The following CCAR2 variants were observed in gnomAD, a reference collection of about 807,000 sequenced individuals.
The protein encoded by CCAR2 is cell cycle and apoptosis regulator 2.
In CCAR2, 21 loss-of-function variants were observed where a neutral mutation model predicts 108.1. The ratio of observed to expected loss-of-function variants is 0.19; its 90% CI spans 0.14 to 0.28. The LOEUF is 0.28. CCAR2 is among the 10% of genes least tolerant of loss of function. The pLI is 1.00. For synonymous variants in CCAR2, 577 were observed against 472.8 expected (o/e 1.22, Z -2.86); for missense variants, 1,126 against 1,177.0 (o/e 0.96, Z 0.63).
At chr8:22,607,149 T>C (rs1801108236) in intron 5 of CCAR2, 47 bp from the exon 6 acceptor site, 1 of 1,611,238 alleles carries the variant, frequency 6.2e-7, no homozygotes, top group Non-Finnish European at 8.5e-7. Context: ...AGGTAGTGAG[T>C]GCCTCAACCA....
Position 22,619,250 on chromosome 8 carries a change from C to T in CCAR2, c.2622C>T (p.Thr874=), listed in dbSNP as rs200138246. 6.0e-5 allele frequency: 94 copies of T among 1,567,240 alleles called. No homozygotes were observed. In the South Asian group the frequency reaches 6.4e-4, roughly 11 times the overall value. ...TCCGGCTGGCGGAGGCCGAGGAGAC[C>T]GCCCGGACGGCGGAGCGACAGAAGA... The part of the protein sequence containing the change: ...LRVRLAEAEE[T]ARTAERQKSQ... Residue 874 remains threonine (T), a synonymous_variant, in exon 20 of 21, where the codon ACC becomes ACT. Transcript: ENST00000308511.
intron 7 of CCAR2, among the ~76,000 whole-genome samples, chr8:22,609,056 T>C (rs1041086774): frequency 1.3e-5 from 2 of 150,536 alleles, no homozygotes; most frequent in East Asian, 1.9e-4. Context: ...TTTTTTCTTT[T>C]TTTTTTTTTT....
Position 22,614,446 on chromosome 8 carries a change from T to C in CCAR2, c.984T>C (p.Phe328=). The stretch of plus-strand genomic sequence containing the variant: ...AATTGTATCGTTGTTGCATGCTCTT[T>C]GTGGATGACATGGCTGAGCCAAGGG... ...LEELYRCCML[F]VDDMAEPRET... is the part of the protein sequence containing the mutation. The change falls in exon 10 of 21, where the codon TTT becomes TTC. Residue 328 remains phenylalanine, a synonymous_variant. Transcript: ENST00000308511. The C allele has an allele frequency of 6.2e-7, 1 of 1,614,192 alleles. No individual in the cohort carries two copies. The highest frequency in any genetic ancestry group is 8.5e-7 in the Non-Finnish European group (1 of 1,180,024).
intron 7 of CCAR2, among the ~76,000 whole-genome samples, chr8:22,611,758 C>A (rs964355845): frequency 6.6e-6 from 1 of 152,082 alleles, no homozygotes; most frequent in Non-Finnish European, 1.5e-5. Flanking sequence ...TTGGGTATTG[C>A]TGAGTATGTA....
rs1159594523 is a variant in CCAR2 at position 22,615,106 on chromosome 8, C to CTAG, written c.1205+105_1205+106insTAG. On this transcript the variant is annotated intron_variant, in intron 11 of 20. Transcript: ENST00000308511. ...CTTTCTGCTGGTTAGCTCTCTGCCC[C>CTAG]CTAGTCCCGTTCCTTCCCCCTCTGG... 1.5e-5 allele frequency: 21 copies of CTAG among 1,375,966 alleles called. No individual in the cohort carries two copies. In the East Asian group the frequency reaches 4.8e-4, roughly 31 times the overall value. The allele number at this position is 1,375,966 out of a possible 1,614,324, so 85.2% of individuals were successfully genotyped here.
At position 22,606,623 on chromosome 8, in the gene CCAR2, G is replaced by A. The variant is rs766102406; in HGVS notation, c.167G>A (p.Arg56Gln). ...CTCTTACAGGGTGGGGAGAAACAGCGGGTCTTCACTGGTATTGTTACCAGC... is the reference window on the plus strand; with the variant it reads ...CTCTTACAGGGTGGGGAGAAACAGCAGGTCTTCACTGGTATTGTTACCAGC... ...ARHLQGGEKQ[R>Q]VFTGIVTSLH... Residue 56 changes from arginine (R) to glutamine (Q), a missense_variant, in exon 4 of 21, where the codon CGG becomes CAG. By Grantham distance (43) the Arg-to-Gln change is conservative. Around this residue, in one of 4 missense-constraint regions of CCAR2, gnomAD observed 17 missense variants for 56.1 expected, o/e 0.30. Coordinates refer to ENST00000308511, the MANE Select transcript of CCAR2 (RefSeq NM_001393997.1). 1.2e-6 allele frequency: 2 copies of A among 1,614,014 alleles called. No individual in the cohort carries two copies. Among genetic ancestry groups the A allele is most frequent in the Non-Finnish European group, 1.7e-6 (2 of 1,179,916 alleles).
intron 7 of CCAR2, among the ~76,000 whole-genome samples, chr8:22,611,945 C>CTT (rs569460220): frequency 2.3e-5 from 2 of 88,290 alleles, no homozygotes; most frequent in East Asian, 3.0e-4. Context: ...AACTGTCTCT[C>CTT]TTTTTTTTTT....
chr8:22,606,725 GA>G, intron 4 of CCAR2, 27 bp downstream of exon 4: 1 of 1,582,006 alleles, frequency 6.3e-7, no homozygotes, highest in African/African-American at 1.3e-5. Context: ...TCCCCTAACG[GA>G]AATGCTTATT....
intron 3 of CCAR2, among the ~76,000 whole-genome samples, chr8:22,606,391 G>A (rs1487490608): frequency 6.6e-6 from 1 of 152,154 alleles, no homozygotes; most frequent in African/African-American, 2.4e-5. Context: ...TTAATGAACT[G>A]GAAATCCCAG....
chr8:22,605,941 C>A, intron 2 of CCAR2, 110 bp downstream of exon 2: 1 of 1,304,510 alleles, frequency 7.7e-7, no homozygotes, highest in Non-Finnish European at 1.1e-6. Flanking sequence ...CTCTGGAAAG[C>A]AGGAGATGCC....
intron 11 of CCAR2, 186 bp from the exon 12 acceptor site, chr8:22,615,239 C>T (rs755970820): frequency 8.2e-6 from 7 of 857,276 alleles, no homozygotes; most frequent in East Asian, 5.2e-5. Flanking sequence ...TGTGTGGTTG[C>T]GGCCTCCCCA....
intron 16 of CCAR2, 49 bp from the exon 17 acceptor site, chr8:22,618,300 C>T (rs201953784): frequency 7.4e-6 from 12 of 1,612,434 alleles, no homozygotes; most frequent in Non-Finnish European, 9.3e-6. Context: ...GCGATAGAGC[C>T]ACTGAGGGAA....
chr8:22,607,925 C>A lies in CCAR2; in HGVS notation c.488-44C>A, dbSNP rs557026808. ...ACAGGTGTGAGCTATTGCACCCGGC[C>A]GGTTTTTAGGGTTTTTGAGTCACCA... On this transcript the variant is annotated intron_variant, in intron 6 of 20. Coordinates refer to ENST00000308511, the MANE Select transcript of CCAR2 (RefSeq NM_001393997.1). 2.6e-6 allele frequency: 4 copies of A among 1,559,556 alleles called. No individual in the cohort carries two copies. The Admixed American group carries it at 5.0e-5, about 20-fold the overall frequency.
intron 7 of CCAR2, among the ~76,000 whole-genome samples, chr8:22,610,656 C>G (rs1029445022): frequency 2.6e-5 from 4 of 152,226 alleles, no homozygotes; most frequent in African/African-American, 9.6e-5. Flanking sequence ...GATGGAGATG[C>G]TCATGCACAT....
At chr8:22,612,502 G>A (rs930299224) in intron 7 of CCAR2, among the ~76,000 whole-genome samples, 2 of 151,700 alleles carry the variant, frequency 1.3e-5, no homozygotes, top group Non-Finnish European at 2.9e-5. Flanking sequence ...TCTTGACCTC[G>A]TGATCTGCCC....
rs1295568035 is a variant in CCAR2 at position 22,615,691 on chromosome 8, C to T, written c.1387C>T (p.Pro463Ser). 5 of 1,613,682 alleles carry T rather than the reference C, an allele frequency of 3.1e-6. No individual in the cohort carries two copies. The highest frequency in any genetic ancestry group is 2.2e-5 in the East Asian group (1 of 44,874). Residue 463 changes from proline (P) to serine (S), a missense_variant, in exon 13 of 21, where the codon CCT becomes TCT. This residue lies in a region of CCAR2 where 1,013 missense variants were observed against 993.9 expected (regional missense o/e 1.02). Transcript: ENST00000308511. ...TCAGCTGTTGTCACAGGAAACGGAG[C>T]CTACTGAACAGGCACCTGATGCCTT... ...PTQEAQGETEPTEQAPDALEQ... is the reference protein window; with the variant it reads ...PTQEAQGETESTEQAPDALEQ...
At chr8:22,606,836 C>T in intron 4 of CCAR2, 74 bp from the exon 5 acceptor site, 1 of 1,520,266 alleles carries the variant, frequency 6.6e-7, no homozygotes, top group South Asian at 1.1e-5. Flanking sequence ...ATGGGAAAGG[C>T]CTCATAGGGG....
At chr8:22,617,317 C>A in intron 14 of CCAR2, 103 bp from the exon 15 acceptor site, 1 of 1,351,270 alleles carries the variant, frequency 7.4e-7, no homozygotes, top group Non-Finnish European at 1.0e-6. Context: ...GCCCTCCATA[C>A]AGTGCCTGGG....
intron 7 of CCAR2, among the ~76,000 whole-genome samples, chr8:22,608,309 G>T (rs113498409): frequency 6.6e-6 from 1 of 152,150 alleles, no homozygotes; most frequent in South Asian, 2.1e-4. Context: ...CAAGCAGGGA[G>T]TTGATACAGT....
Sources: allele counts gnomAD v4.1 joint callset (sites outside exome capture counted in the v4.1 genomes callset), GRCh38; gene constraint gnomAD v4.1.1; regional missense constraint gnomAD v4.1.1; transcripts MANE v1.5; gene names NCBI Gene and HGNC (gene_info 2026-07-23, HGNC 2026-07-21).